The following GFRA1 variants were observed in gnomAD, a reference collection of about 807,000 sequenced individuals.
The protein encoded by GFRA1 is GDNF family receptor alpha-1.
GFRA1 carries 16 observed loss-of-function variants against 51.6 expected under a neutral mutation model. That is an observed-to-expected ratio of 0.31 (90% CI 0.21 to 0.47). The LOEUF (loss-of-function observed/expected upper bound fraction) is 0.47, where lower values mean the gene tolerates loss of function less well. GFRA1 is among the 20% of genes least tolerant of loss of function. The probability of loss-of-function intolerance (pLI) is 1.00; values close to 1 mark genes in which losing one functional copy is unlikely to be tolerated. For missense variants in GFRA1, 530 were observed against 594.3 expected (o/e 0.89, Z 1.13); for synonymous variants, 270 against 241.3 (o/e 1.12, Z -1.10).
Position 116,119,635 on chromosome 10 carries a change from G to T in GFRA1, c.770+5586C>A, listed in dbSNP as rs187792740. On this transcript the variant is annotated intron_variant, in intron 6 of 10. Transcript: ENST00000355422. ...CTGCGCTTGCTGCATGTCAAGGCAA[G>T]CCCGGATATAGTGATGTGGGATCCA... Among the ~76,000 whole-genome samples the T allele has an allele frequency of 2.3e-3, 350 of 152,306 alleles. 1 individual carries two copies. The highest frequency in any genetic ancestry group is 7.8e-3 in the African/African-American group (323 of 41,572).
At chr10:116,178,310 T>TGGA (rs1961853168) in intron 5 of GFRA1, among the ~76,000 whole-genome samples, 1 of 103,618 alleles carries the variant, frequency 9.7e-6, no homozygotes, top group South Asian at 3.1e-4. Context: ...GGGGGGGCGT[T>TGGA]TTACTCCCCT....
chr10:116,093,635 A>G (rs569198746), intron 8 of GFRA1, 67 bp downstream of exon 8: 1 of 1,397,086 alleles, frequency 7.2e-7, no homozygotes, highest in Non-Finnish European at 1.0e-6. Flanking sequence ...AAGGTACAAG[A>G]GGTACAGCTG....
intron 9 of GFRA1, among the ~76,000 whole-genome samples, chr10:116,066,339 G>C (rs141289455): frequency 9.0e-4 from 137 of 152,134 alleles, no homozygotes; most frequent in African/African-American, 3.2e-3. Context: ...CTTTCAGATG[G>C]GCATCCTCAA....
chr10:116,106,865 T>C (rs1957027254), intron 6 of GFRA1, among the ~76,000 whole-genome samples: 1 of 152,178 alleles, frequency 6.6e-6, no homozygotes, highest in Non-Finnish European at 1.5e-5. Context: ...GTCCTTGTGA[T>C]AGTGTTCTTG....
In GFRA1 at chr10:116,085,693, C is replaced by T. The variant is rs151118973; in HGVS notation, c.1197+4048G>A. The stretch of plus-strand genomic sequence containing the variant: ...CCTTCACTCATCACTCTCTCATCCC[C>T]CCCATCCTCTAGCCTCAGATGATCC... On this transcript the variant is annotated intron_variant, in intron 9 of 10. Coordinates refer to ENST00000355422, the MANE Select transcript of GFRA1 (RefSeq NM_005264.8). Among the ~76,000 whole-genome samples the T allele has an allele frequency of 1.9e-3, 283 of 152,186 alleles. 2 individuals carry two copies. The highest frequency in any genetic ancestry group is 6.5e-3 in the African/African-American group (272 of 41,534).
chr10:116,155,967 G>A (rs371507647), intron 5 of GFRA1, among the ~76,000 whole-genome samples: 2 of 152,172 alleles, frequency 1.3e-5, no homozygotes, highest in African/African-American at 2.4e-5. Context: ...AGAAGGCCAC[G>A]ATCAGCCCCG....
At chr10:116,169,132 G>T (rs1960780822) in intron 5 of GFRA1, among the ~76,000 whole-genome samples, 2 of 152,104 alleles carry the variant, frequency 1.3e-5, no homozygotes, top group South Asian at 2.1e-4. Flanking sequence ...TAACTCCAGG[G>T]TCACTTGTCA....
chr10:116,094,373 C>T (rs1367524516), intron 7 of GFRA1, among the ~76,000 whole-genome samples: 3 of 152,104 alleles, frequency 2.0e-5, no homozygotes, highest in African/African-American at 7.2e-5. Flanking sequence ...ATAAAGTCTT[C>T]CACGTAGTGA....
intron 5 of GFRA1, among the ~76,000 whole-genome samples, chr10:116,140,510 T>C (rs757771811): frequency 2.6e-5 from 4 of 152,204 alleles, no homozygotes; most frequent in East Asian, 3.8e-4. Context: ...GTTCAAAGAT[T>C]TGGCTTAGAA....
rs1415833367 is a variant in GFRA1 at position 116,227,036 on chromosome 10, C to G, written c.419-15391G>C. ...CTGCTACTCACCTCCTGCTCTGCAG[C>G]CCAGTTCCTACTGTCCAGGGTTGGG... On this transcript the variant is annotated intron_variant, in intron 4 of 10. Coordinates refer to ENST00000355422, the MANE Select transcript of GFRA1 (RefSeq NM_005264.8). Among the ~76,000 whole-genome samples, 4 of 152,302 alleles carry G rather than the reference C, an allele frequency of 2.6e-5. No individual in the cohort carries two copies. The East Asian group carries it at 7.7e-4, about 29-fold the overall frequency.
chr10:116,136,396 C>T (rs893692312), intron 5 of GFRA1, among the ~76,000 whole-genome samples: 1 of 152,160 alleles, frequency 6.6e-6, no homozygotes. Context: ...CAGTAAAAGG[C>T]TAAACATGTC....
At chr10:116,211,521 G>A in intron 5 of GFRA1, 110 bp downstream of exon 5, 1 of 1,009,144 alleles carries the variant, frequency 9.9e-7, no homozygotes, top group Non-Finnish European at 1.5e-6. Context: ...GGGCCTAAAT[G>A]ACATGTCCAT....
At chr10:116,121,819 C>A (rs888113797) in intron 6 of GFRA1, among the ~76,000 whole-genome samples, 1 of 152,114 alleles carries the variant, frequency 6.6e-6, no homozygotes, top group Non-Finnish European at 1.5e-5. Flanking sequence ...TAATGTGAGA[C>A]CCAAAGAACC....
intron 5 of GFRA1, among the ~76,000 whole-genome samples, chr10:116,137,735 A>G (rs1004598658): frequency 6.6e-6 from 1 of 152,212 alleles, no homozygotes; most frequent in South Asian, 2.1e-4. Context: ...ATGGAGCTGC[A>G]CTCAAGAGGA....
At chr10:116,169,441 C>T (rs1419761986) in intron 5 of GFRA1, among the ~76,000 whole-genome samples, 2 of 152,200 alleles carry the variant, frequency 1.3e-5, no homozygotes, top group Non-Finnish European at 2.9e-5. Context: ...CCTGTTTTCC[C>T]GCCCGAATGT....
chr10:116,195,436 T>C (rs1224416109), intron 5 of GFRA1, among the ~76,000 whole-genome samples: 1 of 152,118 alleles, frequency 6.6e-6, no homozygotes, highest in Non-Finnish European at 1.5e-5. Flanking sequence ...GGCGGGGGTA[T>C]TGCTTAAGGA....
chr10:116,201,684 C>A (rs1361221476), intron 5 of GFRA1, among the ~76,000 whole-genome samples: 1 of 152,136 alleles, frequency 6.6e-6, no homozygotes. Flanking sequence ...GCTTGGGTCT[C>A]CAGTGAAACC....
chr10:116,145,148 C>CAAAAAAAAAAAAAAAAAAAAAAA (rs58509181), intron 5 of GFRA1, among the ~76,000 whole-genome samples: 1 of 28,736 alleles, frequency 3.5e-5, no homozygotes, highest in African/African-American at 1.5e-4. Flanking sequence ...GACTCTGTCT[C>CAAAAAAAAAAAAAAAAAAAAAAA]AAAAAAAAAA....
intron 5 of GFRA1, among the ~76,000 whole-genome samples, chr10:116,150,590 A>G (rs984952272): frequency 2.6e-5 from 4 of 152,354 alleles, no homozygotes; most frequent in Middle Eastern, 3.4e-3. Flanking sequence ...TTACCCTGAG[A>G]TAACTTTGCC....
Sources: allele counts gnomAD v4.1 joint callset (sites outside exome capture counted in the v4.1 genomes callset), GRCh38; gene constraint gnomAD v4.1.1; transcripts MANE v1.5; gene names NCBI Gene and HGNC (gene_info 2026-07-23, HGNC 2026-07-21).